The following PDE4B variants were observed in gnomAD, a reference collection of about 807,000 sequenced individuals.
PDE4B encodes phosphodiesterase 4B, also known as 3',5'-cyclic-AMP phosphodiesterase 4B.
In PDE4B, 20 loss-of-function variants were observed where a neutral mutation model predicts 82.2. The observed-to-expected ratio is 0.24, with a 90% CI of 0.17 to 0.35. The LOEUF is 0.35. PDE4B is among the 10% of genes least tolerant of loss of function. The probability of loss-of-function intolerance (pLI) is 1.00; values close to 1 mark genes in which losing one functional copy is unlikely to be tolerated. For synonymous variants in PDE4B, 320 were observed against 318.9 expected (o/e 1.00, Z -0.04); for missense variants, 655 against 907.2 (o/e 0.72, Z 3.57).
intron 1 of PDE4B, among the ~76,000 whole-genome samples, chr1:65,835,154 T>C (rs1388633527): frequency 6.6e-6 from 1 of 152,126 alleles, no homozygotes; most frequent in East Asian, 1.9e-4. Flanking sequence ...CCAGGGAACA[T>C]GAATGGGAAG....
chr1:65,995,526 G>T (rs965627166), intron 3 of PDE4B, among the ~76,000 whole-genome samples: 3 of 152,108 alleles, frequency 2.0e-5, no homozygotes, highest in African/African-American at 7.2e-5. Context: ...GAATATAGAT[G>T]GCTCTGTATG....
chr1:66,319,769 C>T (rs1192839001), intron 7 of PDE4B, among the ~76,000 whole-genome samples: 2 of 152,144 alleles, frequency 1.3e-5, no homozygotes, highest in African/African-American at 4.8e-5. Context: ...AGAGATAATG[C>T]ATAAGAAAGT....
At chr1:65,946,483 T>C (rs1167015510) in intron 3 of PDE4B, among the ~76,000 whole-genome samples, 1 of 152,028 alleles carries the variant, frequency 6.6e-6, no homozygotes, top group Non-Finnish European at 1.5e-5. Context: ...TGGTATGAAC[T>C]GTCTCTAGCA....
intron 3 of PDE4B, among the ~76,000 whole-genome samples, chr1:65,955,589 A>AT (rs1212271812): frequency 6.6e-6 from 1 of 152,124 alleles, no homozygotes; most frequent in Non-Finnish European, 1.5e-5. Context: ...ATTCGAGCCC[A>AT]TGTCTACTTC....
At chr1:66,286,257 A>ATT (rs1386469303) in intron 7 of PDE4B, among the ~76,000 whole-genome samples, 8 of 152,210 alleles carry the variant, frequency 5.3e-5, no homozygotes, top group African/African-American at 1.9e-4. Flanking sequence ...AACTTTTTGT[A>ATT]TGTTTTGTTT....
chr1:66,323,281 A>G (rs1659533247), intron 7 of PDE4B, among the ~76,000 whole-genome samples: 1 of 152,070 alleles, frequency 6.6e-6, no homozygotes, highest in Non-Finnish European at 1.5e-5. Flanking sequence ...CTCTCCCTTG[A>G]CACTTAATTC....
rs1645046197 is a variant in PDE4B at position 66,092,619 on chromosome 1, G to A, written c.282-154841G>A. ...AAAAGTACAAATACTGTAAAGACAA[G>A]ATACTGTAAACACAAGATAGATTAA... On this transcript the variant is annotated intron_variant, in intron 3 of 16. Coordinates refer to ENST00000341517, the MANE Select transcript of PDE4B (RefSeq NM_002600.4). Among the ~76,000 whole-genome samples the A allele has an allele frequency of 2.0e-5, 3 of 151,996 alleles. No individual in the cohort carries two copies. The Admixed American group carries it at 2.0e-4, about 10-fold the overall frequency.
intron 3 of PDE4B, among the ~76,000 whole-genome samples, chr1:66,167,916 G>T (rs1485272574): frequency 1.3e-5 from 2 of 152,122 alleles, no homozygotes; most frequent in African/African-American, 4.8e-5. Context: ...TGCCAGATTA[G>T]ATTAAATGTA....
chr1:65,815,577 C>T (rs1306947587), intron 1 of PDE4B, among the ~76,000 whole-genome samples: 2 of 151,922 alleles, frequency 1.3e-5, no homozygotes, highest in Non-Finnish European at 2.9e-5. Context: ...TACAACTTTT[C>T]TGTAAATTTA....
intron 3 of PDE4B, among the ~76,000 whole-genome samples, chr1:66,242,241 G>T (rs1043006550): frequency 1.3e-5 from 2 of 152,018 alleles, no homozygotes; most frequent in Non-Finnish European, 2.9e-5. Flanking sequence ...TTCACATTTT[G>T]GATCCTCCAT....
intron 3 of PDE4B, among the ~76,000 whole-genome samples, chr1:66,012,658 C>T (rs1244375755): frequency 2.0e-5 from 3 of 152,056 alleles, no homozygotes; most frequent in African/African-American, 7.2e-5. Flanking sequence ...ACAATCTGTT[C>T]TCAGTCATCA....
chr1:65,975,207 A>G (rs1022389219), intron 3 of PDE4B, among the ~76,000 whole-genome samples: 2 of 152,238 alleles, frequency 1.3e-5, no homozygotes, highest in Admixed American at 6.5e-5. Flanking sequence ...GACTCTTGCT[A>G]TGTTTTAGCA....
chr1:66,063,454 A>G (rs1655685728), intron 3 of PDE4B, among the ~76,000 whole-genome samples: 1 of 152,018 alleles, frequency 6.6e-6, no homozygotes, highest in Non-Finnish European at 1.5e-5. Flanking sequence ...AGGTTGGGAA[A>G]CACTAGTCTT....
chr1:66,167,679 T>C (rs1411931446), intron 3 of PDE4B, among the ~76,000 whole-genome samples: 2 of 152,232 alleles, frequency 1.3e-5, no homozygotes, highest in Non-Finnish European at 2.9e-5. Flanking sequence ...GATATTTCTA[T>C]GGAAGTGAAA....
At chr1:66,009,417 G>A (rs998104003) in intron 3 of PDE4B, among the ~76,000 whole-genome samples, 1 of 152,082 alleles carries the variant, frequency 6.6e-6, no homozygotes, top group East Asian at 1.9e-4. Context: ...TCTTGTAGCT[G>A]CCACAGTGAT....
At position 65,912,233 on chromosome 1, in the gene PDE4B, T is replaced by C. The variant is rs547045194; in HGVS notation, c.-70-1012T>C. Among the ~76,000 whole-genome samples, 6 of 152,332 alleles carry C rather than the reference T, an allele frequency of 3.9e-5. No individual in the cohort carries two copies. In the South Asian group the frequency reaches 1.2e-3, roughly 32 times the overall value. On this transcript the variant is annotated intron_variant, in intron 1 of 16. Coordinates refer to ENST00000341517, the MANE Select transcript of PDE4B (RefSeq NM_002600.4). ...CTTGTAGTCTGTTGTATGACAACTT[T>C]ATATTTTAAAAATTTTATTTTAGAC...
chr1:66,343,230 T>C (rs1175456971), intron 8 of PDE4B, among the ~76,000 whole-genome samples: 1 of 152,160 alleles, frequency 6.6e-6, no homozygotes, highest in East Asian at 1.9e-4. Flanking sequence ...ACAGTGGACT[T>C]CCAACTTCCT....
intron 3 of PDE4B, among the ~76,000 whole-genome samples, chr1:66,201,092 T>C (rs1317498051): frequency 1.3e-5 from 2 of 152,250 alleles, no homozygotes; most frequent in Non-Finnish European, 2.9e-5. Context: ...TTTCTGCATC[T>C]ATTGAGATAA....
chr1:66,008,428 C>A (rs1164805282), intron 3 of PDE4B, among the ~76,000 whole-genome samples: 1 of 152,076 alleles, frequency 6.6e-6, no homozygotes, highest in African/African-American at 2.4e-5. Flanking sequence ...TAAGGCCACC[C>A]CTTACTGTGC....
Sources: gnomAD v4.1 joint callset for allele counts (sites outside exome capture counted in the v4.1 genomes callset) on GRCh38, gnomAD v4.1.1 for gene constraint, MANE v1.5 for transcripts, NCBI Gene and HGNC (gene_info 2026-07-23, HGNC 2026-07-21) for gene names.